The following TTC13 variants were observed in gnomAD, a reference collection of about 807,000 sequenced individuals.
TTC13 encodes tetratricopeptide repeat domain 13.
A neutral mutation model predicts 120.0 loss-of-function variants in TTC13; 62 were observed. The ratio of observed to expected loss-of-function variants is 0.52; its 90% confidence interval spans 0.42 to 0.64. The LOEUF (loss-of-function observed/expected upper bound fraction) is 0.64. Among genes scored for constraint, TTC13 ranks in the 30% least tolerant of loss-of-function variants. TTC13 has a pLI of 0.00. For synonymous variants in TTC13, 384 were observed against 393.5 expected (o/e 0.98, Z 0.28); for missense variants, 824 against 1,050.2 (o/e 0.78, Z 2.98).
chr1:230,960,828 T>C (rs1676562945), intron 2 of TTC13, among the ~76,000 whole-genome samples: 1 of 152,166 alleles, frequency 6.6e-6, no homozygotes, highest in Admixed American at 6.5e-5. Flanking sequence ...TATTCACCCC[T>C]GAAATGGAGA....
intron 19 of TTC13, among the ~76,000 whole-genome samples, chr1:230,912,348 C>A (rs945270322): frequency 4.6e-5 from 7 of 152,152 alleles, no homozygotes; most frequent in Non-Finnish European, 7.4e-5. Flanking sequence ...AAGCCCAGGT[C>A]ATTTTCATTA....
At chr1:230,917,953 G>T (rs1264685282) in intron 17 of TTC13, among the ~76,000 whole-genome samples, 1 of 152,158 alleles carries the variant, frequency 6.6e-6, no homozygotes, top group African/African-American at 2.4e-5. Flanking sequence ...CTGCCCCCTG[G>T]GGGGCGCTGG....
intron 1 of TTC13, among the ~76,000 whole-genome samples, chr1:230,965,818 CATTTTT>C (rs1173731622): frequency 2.1e-5 from 3 of 139,898 alleles, no homozygotes; most frequent in Non-Finnish European, 4.9e-5. Context: ...GCTAATTTTT[CATTTTT>C]ATTTTTTGTG....
intron 18 of TTC13, 120 bp downstream of exon 18, chr1:230,916,073 A>G: frequency 1.3e-6 from 1 of 759,354 alleles, no homozygotes; most frequent in Non-Finnish European, 2.4e-6. Context: ...CTGGACCTTG[A>G]TACTTTTCAT....
intron 14 of TTC13, among the ~76,000 whole-genome samples, chr1:230,924,502 T>G (rs994532622): frequency 3.3e-5 from 5 of 152,134 alleles, no homozygotes; most frequent in African/African-American, 1.2e-4. Context: ...CCAGCTAATT[T>G]TTTGTATTTT....
In TTC13 at chr1:230,931,387, C is replaced by T; in HGVS notation, c.1211G>A (p.Gly404Glu). ...SHVAMGQFYE[G>E]IKAQTKVMLN... ...CATAACTTTTGTTTGTGCTTTTATC[C>T]CTTCATAAAACTGTCCCATGGCAAC... Residue 404 changes from glycine to glutamate, a missense_variant, in exon 11 of 23, where the codon GGG becomes GAG. Physicochemically the swap from Gly to Glu is moderately conservative, Grantham distance 98. Around this residue, in one of 4 missense-constraint regions of TTC13, gnomAD observed 430 missense variants for 626.8 expected, o/e 0.69. Coordinates refer to ENST00000366661, the MANE Select transcript of TTC13 (RefSeq NM_024525.5). 2 of 1,614,116 alleles carry T rather than the reference C, an allele frequency of 1.2e-6. No homozygotes were observed. Among genetic ancestry groups the T allele is most frequent in the Non-Finnish European group, 1.7e-6 (2 of 1,180,014 alleles).
intron 20 of TTC13, among the ~76,000 whole-genome samples, chr1:230,909,230 G>A (rs1189104954): frequency 6.6e-6 from 1 of 152,210 alleles, no homozygotes; most frequent in Admixed American, 6.5e-5. Flanking sequence ...CTGGCCAGGT[G>A]AGGTGGCTCA....
intron 2 of TTC13, among the ~76,000 whole-genome samples, chr1:230,959,806 A>C (rs1361079295): frequency 1.3e-5 from 2 of 152,246 alleles, no homozygotes; most frequent in Non-Finnish European, 2.9e-5. Flanking sequence ...GCTCAACATC[A>C]CTAGTAGACT....
At position 230,906,745 on chromosome 1, in the gene TTC13, G is replaced by C. The variant is rs1670968421; in HGVS notation, c.*160C>G. 2.7e-6 allele frequency: 1 copy of C among 373,666 alleles called. No homozygotes were observed. The highest frequency in any genetic ancestry group is 2.1e-5 in the African/African-American group (1 of 47,516). 23.1% of individuals were successfully genotyped at this position (373,666 alleles called of 1,614,324 possible). A position where few individuals can be genotyped will look rare whatever the true frequency, so the allele number is the denominator to read the frequency against. On this transcript the variant is annotated 3_prime_UTR_variant, in exon 23 of 23. Transcript: ENST00000366661. ...AAGCCTCTTTCATGATTTTCATTAT[G>C]GTTCAGAAAAGTAAAGAAAATGATT...
chr1:230,909,824 C>T (rs545901892), intron 20 of TTC13, among the ~76,000 whole-genome samples: 5 of 152,206 alleles, frequency 3.3e-5, no homozygotes, highest in African/African-American at 7.2e-5. Context: ...CCTGCTGGCT[C>T]GGAGGCTCGT....
chr1:230,930,216 C>A (rs1200374619), intron 11 of TTC13, among the ~76,000 whole-genome samples: 4 of 152,086 alleles, frequency 2.6e-5, no homozygotes, highest in African/African-American at 9.7e-5. Context: ...CTTAGTACAA[C>A]AAATAATGTA....
At chr1:230,915,490 T>G (rs1671927114) in intron 18 of TTC13, among the ~76,000 whole-genome samples, 1 of 152,176 alleles carries the variant, frequency 6.6e-6, no homozygotes, top group African/African-American at 2.4e-5. Context: ...GCAGTGCTAT[T>G]TATAAAGCAA....
chr1:230,935,253 G>C (rs1458027090), intron 8 of TTC13, among the ~76,000 whole-genome samples: 1 of 152,158 alleles, frequency 6.6e-6, no homozygotes, highest in East Asian at 1.9e-4. Context: ...ACAGTGTGAG[G>C]TGCAGGGAAG....
intron 22 of TTC13, among the ~76,000 whole-genome samples, chr1:230,907,685 G>A (rs145005103): frequency 2.1e-3 from 322 of 152,294 alleles, no homozygotes; most frequent in Non-Finnish European, 3.2e-3. Flanking sequence ...TTGAGCAATG[G>A]TAGACTACAG....
In TTC13 at chr1:230,906,622, T is replaced by G; in HGVS notation, c.*283A>C. ...AGTTGTTGAGGAAAATTTTTTTTAC[T>G]GTAAGGAAGGAGTTATATGACTTTA... On this transcript the variant is annotated 3_prime_UTR_variant, in exon 23 of 23. Coordinates refer to ENST00000366661, the MANE Select transcript of TTC13 (RefSeq NM_024525.5). The G allele has an allele frequency of 5.3e-6, 1 of 190,290 alleles. No homozygotes were observed. The highest frequency in any genetic ancestry group is 6.1e-5 in the Admixed American group (1 of 16,522). The allele number at this position is 190,290 out of a possible 1,614,324, so 11.8% of individuals were successfully genotyped here.
intron 1 of TTC13, among the ~76,000 whole-genome samples, chr1:230,972,621 G>A (rs1677882407): frequency 6.6e-6 from 1 of 152,184 alleles, no homozygotes; most frequent in Non-Finnish European, 1.5e-5. Context: ...ACATTGAAGA[G>A]CCTTGACTTT....
At chr1:230,954,271 A>G (rs1220122835) in intron 4 of TTC13, 62 bp downstream of exon 4, 3 of 1,172,248 alleles carry the variant, frequency 2.6e-6, no homozygotes, top group African/African-American at 3.0e-5. Context: ...TCAGCTGTTC[A>G]TTAGTCCATA....
chr1:230,958,126 C>T (rs1676276340), intron 3 of TTC13, 98 bp downstream of exon 3: 12 of 1,218,656 alleles, frequency 9.8e-6, no homozygotes, highest in Non-Finnish European at 1.4e-5. Flanking sequence ...ATTGGCAAAG[C>T]CAGTCTCTCT....
chr1:230,934,378 C>T (rs1017216404), intron 8 of TTC13, among the ~76,000 whole-genome samples: 2 of 151,892 alleles, frequency 1.3e-5, no homozygotes, highest in African/African-American at 2.4e-5. Context: ...CCATGATCTA[C>T]GAGGAAAAAG....
Sources: gnomAD v4.1 joint callset for allele counts (sites outside exome capture counted in the v4.1 genomes callset) on GRCh38, gnomAD v4.1.1 for gene constraint, gnomAD v4.1.1 regional missense constraint, MANE v1.5 for transcripts, NCBI Gene and HGNC (gene_info 2026-07-23, HGNC 2026-07-21) for gene names.